The following GSR variants were observed in gnomAD, a reference collection of about 807,000 sequenced individuals.
GSR encodes the protein glutathione-disulfide reductase.
In GSR, 48 loss-of-function variants were observed where a neutral mutation model predicts 56.5. The ratio of observed to expected loss-of-function variants is 0.85; its 90% CI spans 0.67 to 1.08. The LOEUF (loss-of-function observed/expected upper bound fraction) is 1.08. Among genes scored for constraint, GSR ranks in the 50% least tolerant of loss-of-function variants. The pLI, the probability that GSR is intolerant of heterozygous loss-of-function variation, is 0.00. For synonymous variants in GSR, 264 were observed against 270.8 expected (o/e 0.97, Z 0.25); for missense variants, 694 against 703.3 (o/e 0.99, Z 0.15).
rs368709638 is a variant in GSR, at chr8:30,681,985, G to A, written c.1230C>T (p.Asn410=). The A allele has an allele frequency of 3.7e-6, 6 of 1,613,108 alleles. No homozygotes were observed. The East Asian group carries it at 1.1e-4, about 30-fold the overall frequency. Residue 410 remains asparagine, a synonymous_variant, in exon 11 of 13, where the codon AAC becomes AAT. Coordinates refer to ENST00000221130, the MANE Select transcript of GSR (RefSeq NM_000637.5). ...YKEDSKLDYN[N]IPTVVFSHPP... is the part of the protein sequence containing the mutation. Reference sequence around the variant, plus strand: ...GGTGGCTGAAGACCACAGTTGGGATGTTGTTATAATCTAATTTGGAATCTT... The same window carrying A: ...GGTGGCTGAAGACCACAGTTGGGATATTGTTATAATCTAATTTGGAATCTT...
chr8:30,689,039 C>T, intron 9 of GSR, 122 bp downstream of exon 9: 2 of 821,120 alleles, frequency 2.4e-6, no homozygotes. Flanking sequence ...AAACTGAATA[C>T]ATGGGAAAAA....
At chr8:30,713,123 A>G (rs1439487181) in intron 1 of GSR, among the ~76,000 whole-genome samples, 1 of 151,544 alleles carries the variant, frequency 6.6e-6, no homozygotes, top group Non-Finnish European at 1.5e-5. Flanking sequence ...TGCAAACTCC[A>G]CCTCCCAGAT....
chr8:30,681,350 T>G (rs1157980177), intron 11 of GSR, among the ~76,000 whole-genome samples: 1 of 151,884 alleles, frequency 6.6e-6, no homozygotes. Context: ...GGCAACACAG[T>G]GAAACCCCAT....
At chr8:30,692,644 G>A (rs1803424934) in intron 8 of GSR, among the ~76,000 whole-genome samples, 1 of 151,644 alleles carries the variant, frequency 6.6e-6, no homozygotes, top group Admixed American at 6.6e-5. Context: ...TGGGATTACA[G>A]GTGCACACCA....
Position 30,727,778 on chromosome 8 carries a change from CCG to C in GSR, c.56_57del (p.Ala19GlyfsTer47). 7.4e-7 allele frequency: 1 copy of C among 1,355,918 alleles called. No homozygotes were observed. The highest frequency in any genetic ancestry group is 9.5e-7 in the Non-Finnish European group (1 of 1,053,684). 84.0% of individuals were successfully genotyped at this position (1,355,918 alleles called of 1,614,324 possible). A position where few individuals can be genotyped will look rare whatever the true frequency, so the allele number is the denominator to read the frequency against. ...SAGAGPSWRR[A>X]ARAFRGFLLL... The stretch of plus-strand genomic sequence containing the variant: ...AGCAGGAAGCCTCGGAAGGCGCGCG[CCG>C]CCCGCCGCCAGCTCGGTCCCGCGCC... On this transcript the variant is annotated frameshift_variant, in exon 1 of 13. Transcript: ENST00000221130. LOFTEE classifies it high-confidence loss of function.
intron 6 of GSR, among the ~76,000 whole-genome samples, chr8:30,698,074 T>C (rs557605512): frequency 1.1e-4 from 17 of 152,290 alleles, no homozygotes; most frequent in African/African-American, 3.6e-4. Context: ...TCATGCACAG[T>C]ATTCCACAAG....
chr8:30,692,768 C>T (rs1803430929), intron 8 of GSR, among the ~76,000 whole-genome samples: 1 of 151,960 alleles, frequency 6.6e-6, no homozygotes, highest in South Asian at 2.1e-4. Flanking sequence ...TCCCAAAGTG[C>T]TGGGATTACA....
intron 11 of GSR, 41 bp downstream of exon 11, chr8:30,681,889 G>A (rs1372166719): frequency 3.1e-6 from 5 of 1,599,202 alleles, no homozygotes; most frequent in African/African-American, 2.7e-5. Context: ...AGGGGAAAGA[G>A]GAAGGAAACC....
At chr8:30,688,840 T>G (rs1041521260) in intron 9 of GSR, among the ~76,000 whole-genome samples, 5 of 151,792 alleles carry the variant, frequency 3.3e-5, no homozygotes, top group Admixed American at 6.6e-5. Context: ...GGTGGATCAC[T>G]TGAGCCTAGG....
chr8:30,708,607 A>C (rs1467249560), intron 3 of GSR, among the ~76,000 whole-genome samples: 1 of 152,218 alleles, frequency 6.6e-6, no homozygotes, highest in Non-Finnish European at 1.5e-5. Flanking sequence ...GGAAGCAGAG[A>C]CCTGAACAGA....
At chr8:30,705,408 G>A (rs1256005988) in intron 4 of GSR, among the ~76,000 whole-genome samples, 4 of 151,992 alleles carry the variant, frequency 2.6e-5, no homozygotes, top group Admixed American at 6.6e-5. Flanking sequence ...GAATACAGGC[G>A]CCCGCCACCA....
chr8:30,727,778 C>A lies in GSR; in HGVS notation c.58G>T (p.Ala20Ser). Residue 20 changes from alanine to serine, a missense_variant, in exon 1 of 13, where the codon GCG becomes TCG. Coordinates refer to ENST00000221130, the MANE Select transcript of GSR (RefSeq NM_000637.5). ...AGAGPSWRRA[A>S]RAFRGFLLLL... ...AGCAGGAAGCCTCGGAAGGCGCGCGCCGCCCGCCGCCAGCTCGGTCCCGCG... is the reference window on the plus strand; with the variant it reads ...AGCAGGAAGCCTCGGAAGGCGCGCGACGCCCGCCGCCAGCTCGGTCCCGCG... 1 of 1,355,920 alleles carries A rather than the reference C, an allele frequency of 7.4e-7. No individual in the cohort carries two copies. 84.0% of individuals were successfully genotyped at this position (1,355,920 alleles called of 1,614,324 possible).
chr8:30,727,594 C>A lies in GSR; in HGVS notation c.242G>T (p.Arg81Leu). The A allele has an allele frequency of 6.5e-7, 1 of 1,528,722 alleles. No homozygotes were observed. Among genetic ancestry groups the A allele is most frequent in the Non-Finnish European group, 8.8e-7 (1 of 1,142,764 alleles). The allele number at this position is 1,528,722 out of a possible 1,614,324, so 94.7% of individuals were successfully genotyped here. The change falls in exon 1 of 13, where the codon CGC (arginine) becomes CTC (leucine). Residue 81 changes from arginine (R) to leucine (L), a missense_variant. Transcript: ENST00000221130. ...CCTGGCACCCAGCTCGGCCGCCCTGCGCGCGCTGGCCAGCCCGCCCGAGCC... is the reference window on the plus strand; with the variant it reads ...CCTGGCACCCAGCTCGGCCGCCCTGAGCGCGCTGGCCAGCCCGCCCGAGCC... ...GGGSGGLASARRAAELGARAA... is the reference protein window; with the variant it reads ...GGGSGGLASALRAAELGARAA...
At position 30,681,597 on chromosome 8, in the gene GSR, G is replaced by A. The variant is rs115160296; in HGVS notation, c.1285+333C>T. The stretch of plus-strand genomic sequence containing the variant: ...GTTCTTAGGAAAGATAGACATGTGT[G>A]TGTGTAGAGTGAAAAAATAAAAAAG... On this transcript the variant is annotated intron_variant, in intron 11 of 12. Transcript: ENST00000221130. Among the ~76,000 whole-genome samples, 925 of 152,170 alleles carry A rather than the reference G, an allele frequency of 6.1e-3. 11 individuals carry two copies. The highest frequency in any genetic ancestry group is 0.021 in the African/African-American group (871 of 41,522).
chr8:30,679,552 T>A lies in GSR; in HGVS notation c.1537A>T (p.Thr513Ser). ...DFDNTVAIHP[T>S]SSEELVTLR Reference sequence around the variant, plus strand: ...AGTGTGACCAGCTCTTCTGAAGAGGTAGGGTGAATGGCGACTGTGTTGTCA... The same window carrying A: ...AGTGTGACCAGCTCTTCTGAAGAGGAAGGGTGAATGGCGACTGTGTTGTCA... Residue 513 changes from threonine to serine, a missense_variant, in exon 13 of 13, where the codon ACC (threonine) becomes TCC (serine). Transcript: ENST00000221130. The A allele has an allele frequency of 6.2e-7, 1 of 1,614,036 alleles. No individual in the cohort carries two copies. Among genetic ancestry groups the A allele is most frequent in the Non-Finnish European group, 8.5e-7 (1 of 1,180,004 alleles).
intron 1 of GSR, 75 bp from the exon 2 acceptor site, chr8:30,712,163 C>G (rs145795802): frequency 5.2e-6 from 4 of 773,418 alleles, no homozygotes; most frequent in African/African-American, 3.5e-5. Flanking sequence ...AAGAAATGCA[C>G]GCTAAGCATC....
At chr8:30,700,610 G>C (rs868013969) in intron 5 of GSR, among the ~76,000 whole-genome samples, 3 of 151,488 alleles carry the variant, frequency 2.0e-5, no homozygotes, top group Non-Finnish European at 4.4e-5. Flanking sequence ...TATAGTCCCA[G>C]CTACTTGGGA....
intron 6 of GSR, 46 bp from the exon 7 acceptor site, chr8:30,696,525 G>A: frequency 7.8e-7 from 1 of 1,285,478 alleles, no homozygotes; most frequent in Non-Finnish European, 1.1e-6. Context: ...AACTAATTTT[G>A]GAATAATTTC....
rs8190911 is a variant in GSR at position 30,717,054 on chromosome 8, A to G, written c.307-4966T>C. On this transcript the variant is annotated intron_variant, in intron 1 of 12. Transcript: ENST00000221130. ...GTAGTTCAAGACCAGCCTGACCAACATGGAGAAACCCTGTTTCTACTAAAA... is the reference window on the plus strand; with the variant it reads ...GTAGTTCAAGACCAGCCTGACCAACGTGGAGAAACCCTGTTTCTACTAAAA... Among the ~76,000 whole-genome samples the G allele has an allele frequency of 8.4e-4, 128 of 152,202 alleles. 1 individual carries two copies. The South Asian group carries it at 0.01, about 12-fold the overall frequency.
Sources: gnomAD v4.1 joint callset for allele counts (sites outside exome capture counted in the v4.1 genomes callset) on GRCh38, gnomAD v4.1.1 for gene constraint, MANE v1.5 for transcripts, NCBI Gene and HGNC (gene_info 2026-07-23, HGNC 2026-07-21) for gene names.